Variants in ASTN2 observed in about 807,000 individuals in gnomAD.
ASTN2 encodes the protein astrotactin 2, also known as astrotactin-2.
ASTN2 carries 54 observed loss-of-function variants against 139.8 expected under a neutral mutation model. The observed-to-expected ratio is 0.39, with a 90% CI of 0.31 to 0.48. The LOEUF is 0.48. ASTN2 is among the 20% of genes least tolerant of loss of function. The probability of loss-of-function intolerance (pLI) is 0.95; values close to 1 mark genes in which losing one functional copy is unlikely to be tolerated. For missense variants in ASTN2, 1,565 were observed against 1,725.1 expected, an observed-to-expected ratio of 0.91 and a Z score of 1.64; for synonymous variants, 756 against 719.5, an observed-to-expected ratio of 1.05 and a Z score of -0.81.
At chr9:116,855,727 C>T (rs1478319883) in intron 11 of ASTN2, among the ~76,000 whole-genome samples, 1 of 152,154 alleles carries the variant, frequency 6.6e-6, no homozygotes, top group Non-Finnish European at 1.5e-5. Flanking sequence ...TTTCCTCTGC[C>T]TTTACCTGGC....
intron 2 of ASTN2, among the ~76,000 whole-genome samples, chr9:117,253,597 C>G (rs1241943936): frequency 6.6e-6 from 1 of 152,158 alleles, no homozygotes; most frequent in Non-Finnish European, 1.5e-5. Flanking sequence ...TGCCTGTCCC[C>G]ACCATTCTTA....
At chr9:116,931,613 T>C (rs1028640345) in intron 10 of ASTN2, among the ~76,000 whole-genome samples, 23 of 152,182 alleles carry the variant, frequency 1.5e-4, no homozygotes, top group Admixed American at 1.3e-4. Context: ...TGTTGACAGA[T>C]TGCAAGGTAC....
intron 13 of ASTN2, among the ~76,000 whole-genome samples, chr9:116,782,690 G>A (rs113979367): frequency 5.3e-5 from 8 of 152,294 alleles, no homozygotes; most frequent in South Asian, 2.1e-4. Context: ...ATGAAGATCC[G>A]TGATGGCTAA....
At chr9:116,711,490 C>T (rs1828160468) in intron 16 of ASTN2, among the ~76,000 whole-genome samples, 1 of 152,224 alleles carries the variant, frequency 6.6e-6, no homozygotes, top group African/African-American at 2.4e-5. Context: ...TATGCAGCTA[C>T]ATACCAAACT....
In ASTN2 at chr9:117,291,512, C is replaced by T. The variant is rs2130783848; in HGVS notation, c.444G>A (p.Glu148=). 1 of 1,595,738 alleles carries T rather than the reference C, an allele frequency of 6.3e-7. No individual in the cohort carries two copies. The highest frequency in any genetic ancestry group is 1.3e-5 in the African/African-American group (1 of 74,852). ...DNTELPFFTL[E]MSGTAADISL... is the part of the protein sequence containing the mutation. ...AGATGTCCGCTGCTGTGCCAGACAT[C>T]TCTGCAAGACAAGACCCGAGGCACT... The change falls in exon 2 of 23, where the codon GAG becomes GAA. Residue 148 remains glutamate (E), a splice_region_variant and synonymous_variant. Transcript: ENST00000313400.
intron 19 of ASTN2, among the ~76,000 whole-genome samples, chr9:116,596,161 G>A (rs898821488): frequency 2.6e-5 from 4 of 152,194 alleles, no homozygotes; most frequent in Admixed American, 6.5e-5. Context: ...GTTATGCTGA[G>A]TATAATAAGC....
At chr9:117,156,788 C>T (rs779446809) in intron 3 of ASTN2, among the ~76,000 whole-genome samples, 1 of 152,032 alleles carries the variant, frequency 6.6e-6, no homozygotes, top group Non-Finnish European at 1.5e-5. Context: ...GTCCATTATC[C>T]TGTGAATTTA....
intron 19 of ASTN2, among the ~76,000 whole-genome samples, chr9:116,575,962 T>C (rs1404831564): frequency 6.6e-6 from 1 of 152,110 alleles, no homozygotes; most frequent in Admixed American, 6.5e-5. Flanking sequence ...AGGAAGCTCA[T>C]GAGTGGCCCT....
At chr9:116,495,972 G>C (rs1282786544) in intron 19 of ASTN2, among the ~76,000 whole-genome samples, 1 of 151,966 alleles carries the variant, frequency 6.6e-6, no homozygotes, top group Non-Finnish European at 1.5e-5. Flanking sequence ...CCCACCACAG[G>C]GCTTTTGCAC....
intron 5 of ASTN2, among the ~76,000 whole-genome samples, chr9:117,067,093 C>T (rs545280277): frequency 0.095 from 6,580 of 69,620 alleles, 260 homozygotes; most frequent in East Asian, 0.13. Flanking sequence ...TGCCTATGTC[C>T]TGAATGGTAA....
chr9:116,497,945 C>A (rs1849721541), intron 19 of ASTN2, among the ~76,000 whole-genome samples: 1 of 152,186 alleles, frequency 6.6e-6, no homozygotes, highest in South Asian at 2.1e-4. Context: ...CCTAATACTT[C>A]CAACTTTCTC....
Position 116,458,163 on chromosome 9 carries a change from T to A in ASTN2, c.3498-15610A>T, listed in dbSNP as rs554916946. The stretch of plus-strand genomic sequence containing the variant: ...ACTAAAATTAAAAACAAAAAAAAAA[T>A]TGAACTAATCGAGCTAGAGGATAGA... On this transcript the variant is annotated intron_variant, in intron 20 of 22. Transcript: ENST00000313400. 4.9e-3 allele frequency among the ~76,000 whole-genome samples: 737 copies of A among 151,438 alleles called. 6 individuals are homozygous for A. The highest frequency in any genetic ancestry group is 0.017 in the African/African-American group (687 of 41,324).
At chr9:117,406,837 G>A (rs1051043642) in intron 1 of ASTN2, among the ~76,000 whole-genome samples, 7 of 146,802 alleles carry the variant, frequency 4.8e-5, no homozygotes, top group African/African-American at 1.8e-4. Context: ...TACTTATTAT[G>A]TCTGTTGTCA....
chr9:117,236,473 T>A (rs925652566), intron 2 of ASTN2, among the ~76,000 whole-genome samples: 2 of 152,158 alleles, frequency 1.3e-5, no homozygotes, highest in African/African-American at 4.8e-5. Context: ...AAAAATGTGA[T>A]AAGCAATGAA....
chr9:116,459,639 A>C (rs1008107798), intron 20 of ASTN2, among the ~76,000 whole-genome samples: 3 of 152,116 alleles, frequency 2.0e-5, no homozygotes, highest in Admixed American at 2.0e-4. Context: ...ATGGCTAATA[A>C]GCACATGAAA....
chr9:117,379,413 A>T (rs972084065), intron 1 of ASTN2, among the ~76,000 whole-genome samples: 1 of 152,160 alleles, frequency 6.6e-6, no homozygotes, highest in Non-Finnish European at 1.5e-5. Context: ...TAGAAGAGGC[A>T]GCCTTGACAA....
chr9:117,187,646 C>A (rs1050124976), intron 3 of ASTN2, among the ~76,000 whole-genome samples: 1 of 152,174 alleles, frequency 6.6e-6, no homozygotes, highest in Non-Finnish European at 1.5e-5. Context: ...TCTCCCTGGT[C>A]ATGTGATGCC....
chr9:117,070,076 C>T (rs1000077333), intron 5 of ASTN2, among the ~76,000 whole-genome samples: 69 of 148,436 alleles, frequency 4.6e-4, no homozygotes, highest in African/African-American at 1.5e-3. Context: ...TGATTTTGCT[C>T]GTTAGTTGAT....
chr9:116,966,502 C>A (rs1836013853), intron 10 of ASTN2, among the ~76,000 whole-genome samples: 1 of 152,048 alleles, frequency 6.6e-6, no homozygotes, highest in African/African-American at 2.4e-5. Context: ...ATTTACTGAG[C>A]CTGGGCAGAA....
Sources: allele counts gnomAD v4.1 joint callset (sites outside exome capture counted in the v4.1 genomes callset), GRCh38; gene constraint gnomAD v4.1.1; transcripts MANE v1.5; gene names NCBI Gene and HGNC (gene_info 2026-07-23, HGNC 2026-07-21).